PRKDC: variants seen among roughly 807,000 people sequenced by gnomAD.
The protein encoded by PRKDC is DNA-dependent protein kinase catalytic subunit.
In PRKDC, 82 loss-of-function variants were observed where a neutral mutation model predicts 486.9. The observed-to-expected ratio is 0.17, with a 90% confidence interval of 0.14 to 0.20. The LOEUF (loss-of-function observed/expected upper bound fraction) is 0.20. PRKDC is among the 10% of genes least tolerant of loss of function. The pLI is 1.00. For synonymous variants in PRKDC, 1,895 were observed against 1,837.0 expected, an observed-to-expected ratio of 1.03 and a Z score of -0.81; for missense variants, 4,504 against 5,038.2, an observed-to-expected ratio of 0.89 and a Z score of 3.21.
chr8:47,870,075 G>A (rs754528276), intron 40 of PRKDC, among the ~76,000 whole-genome samples: 31 of 152,176 alleles, frequency 2.0e-4, no homozygotes, highest in Non-Finnish European at 7.3e-5. Context: ...CTCATAGATG[G>A]CATCTCTTGA....
At chr8:47,919,340 A>T (rs2090036868) in intron 21 of PRKDC, among the ~76,000 whole-genome samples, 1 of 152,232 alleles carries the variant, frequency 6.6e-6, no homozygotes, top group Non-Finnish European at 1.5e-5. Flanking sequence ...CTCCATATGC[A>T]TTTGTCTAAT....
chr8:47,927,084 G>A lies in PRKDC; in HGVS notation c.2419+110C>T, dbSNP rs915288776. ...CAAAAATAGCAATCAAACATATTTT[G>A]AACACACTGGGCTTAAATTTCAGAA... On this transcript the variant is annotated intron_variant, in intron 21 of 85. Coordinates refer to ENST00000314191, the MANE Select transcript of PRKDC (RefSeq NM_006904.7). 1.9e-4 allele frequency: 190 copies of A among 1,016,660 alleles called. 1 individual carries two copies. Among genetic ancestry groups the A allele is most frequent in the Non-Finnish European group, 2.5e-4 (182 of 719,112 alleles). The allele number at this position is 1,016,660 out of a possible 1,614,324, so 63.0% of individuals were successfully genotyped here.
chr8:47,852,453 C>T (rs1027866293), intron 52 of PRKDC, among the ~76,000 whole-genome samples: 3 of 152,228 alleles, frequency 2.0e-5, no homozygotes, highest in Admixed American at 6.5e-5. Flanking sequence ...GATCTCTCCA[C>T]GTTCACCAAG....
At position 47,836,518 on chromosome 8, in the gene PRKDC, T is replaced by C. The variant is rs745466591; in HGVS notation, c.7771A>G (p.Ile2591Val). The C allele has an allele frequency of 1.3e-6, 2 of 1,596,568 alleles. No homozygotes were observed. The highest frequency in any genetic ancestry group is 1.7e-6 in the Non-Finnish European group (2 of 1,171,062). ...LSECEFQEYTIDSDWRFRSTV... is the reference protein window; with the variant it reads ...LSECEFQEYTVDSDWRFRSTV... ...CTTCGGAAACGCCAATCAGAATCAA[T>C]GGTATATTCCTGTACATAAGAAAGT... Residue 2591 changes from isoleucine to valine, a missense_variant, in exon 58 of 86, where the codon ATT (isoleucine) becomes GTT (valine). This residue lies in a region of PRKDC where 1,592 missense variants were observed against 1,724.6 expected (regional missense o/e 0.92). Transcript: ENST00000314191.
chr8:47,796,482 A>G (rs1292172116), intron 73 of PRKDC, among the ~76,000 whole-genome samples: 3 of 152,098 alleles, frequency 2.0e-5, no homozygotes, highest in African/African-American at 7.2e-5. Context: ...TTAATCACGC[A>G]TGCATTTCCT....
chr8:47,782,571 G>A lies in PRKDC; in HGVS notation c.11203C>T (p.Pro3735Ser). 1 of 1,566,528 alleles carries A rather than the reference G, an allele frequency of 6.4e-7. No homozygotes were observed. The highest frequency in any genetic ancestry group is 8.7e-7 in the Non-Finnish European group (1 of 1,155,766). Residue 3735 changes from proline (P) to serine (S), a missense_variant, in exon 79 of 86, where the codon CCC (proline) becomes TCC (serine). By Grantham distance (74) the Pro-to-Ser change is moderately conservative. This residue lies in a region of PRKDC where 706 missense variants were observed against 945.0 expected (regional missense o/e 0.75). Transcript: ENST00000314191. The surrounding 1 kb of genome is among the most constrained non-coding windows in gnomAD (Gnocchi z 4.9). ...TGGCCACGGATGATGATGCGCTTGG[G>A]CCTTCGCAGAGACGCCATGACTGTC... Reference protein sequence around the residue: ...RVTVMASLRRPKRIIIRGHDE... With the variant: ...RVTVMASLRRSKRIIIRGHDE...
Position 47,773,254 on chromosome 8 carries a change from CG to C in PRKDC, c.*918del, listed in dbSNP as rs374844654. 3.1e-4 allele frequency: 69 copies of C among 223,262 alleles called. 1 individual carries two copies. Among genetic ancestry groups the C allele is most frequent in the African/African-American group, 6.8e-4 (30 of 44,350 alleles). The allele number at this position is 223,262 out of a possible 1,614,324, so 13.8% of individuals were successfully genotyped here. A position where few individuals can be genotyped will look rare whatever the true frequency, so the allele number is the denominator to read the frequency against. The stretch of plus-strand genomic sequence containing the variant: ...AAACAGTTTGGGTGTGGAGGACTGG[CG>C]GGGGGGGACAGGGACTGCACATGGG... On this transcript the variant is annotated 3_prime_UTR_variant, in exon 86 of 86. Transcript: ENST00000314191.
intron 10 of PRKDC, among the ~76,000 whole-genome samples, chr8:47,942,259 A>G (rs1262074628): frequency 6.6e-6 from 1 of 152,230 alleles, no homozygotes; most frequent in Non-Finnish European, 1.5e-5. Flanking sequence ...TCAGCGTAAC[A>G]GGAGTTTTAT....
intron 29 of PRKDC, 73 bp from the exon 30 acceptor site, chr8:47,897,367 C>A: frequency 7.3e-7 from 1 of 1,374,422 alleles, no homozygotes; most frequent in South Asian, 1.8e-5. Flanking sequence ...CTCTAGAAAT[C>A]ATAAACTCAT....
chr8:47,830,573 T>G (rs1212281209), intron 61 of PRKDC, 32 bp downstream of exon 61: 1 of 1,607,412 alleles, frequency 6.2e-7, no homozygotes, highest in East Asian at 2.2e-5. Flanking sequence ...GATTTTAACC[T>G]GTCAACAGAA....
In PRKDC at chr8:47,864,680, C is replaced by A. The variant is rs746172040; in HGVS notation, c.5447G>T (p.Arg1816Leu). ...GAGGGAGCGGTCCACAAAGGACTGG[C>A]GTGTGAAACTTAGGCGGGGGTCATC... ...RKDDPRLSFT[R>L]QSFVDRSLLT... is the part of the protein sequence containing the mutation. Residue 1816 changes from arginine (R) to leucine (L), a missense_variant, in exon 41 of 86, where the codon CGC becomes CTC. Arg to Leu is a moderately radical substitution (Grantham distance 102). Around this residue, in one of 6 missense-constraint regions of PRKDC, gnomAD observed 1,969 missense variants for 2,068.9 expected, o/e 0.95. Transcript: ENST00000314191. 16 of 1,607,630 alleles carry A rather than the reference C, an allele frequency of 1.0e-5. No homozygotes were observed. Among genetic ancestry groups the A allele is most frequent in the East Asian group, 2.2e-5 (1 of 44,744 alleles).
Position 47,836,448 on chromosome 8 carries a change from C to T in PRKDC, c.7841G>A (p.Gly2614Asp), listed in dbSNP as rs760591403. ...TTCCTGGGTACGGGTCTGGAGAGTGCCCTGGGAGGCCTGGGTCTCCACAAA... is the reference window on the plus strand; with the variant it reads ...TTCCTGGGTACGGGTCTGGAGAGTGTCCTGGGAGGCCTGGGTCTCCACAAA... ...PMFVETQASQ[G>D]TLQTRTQEGS... is the part of the protein sequence containing the mutation. The change falls in exon 58 of 86, where the codon GGC becomes GAC. Residue 2614 changes from glycine (G) to aspartate (D), a missense_variant. Physicochemically the swap from Gly to Asp is moderately conservative, Grantham distance 94. Transcript: ENST00000314191. 1 of 1,612,280 alleles carries T rather than the reference C, an allele frequency of 6.2e-7. No homozygotes were observed. Among genetic ancestry groups the T allele is most frequent in the Non-Finnish European group, 8.5e-7 (1 of 1,179,222 alleles).
chr8:47,873,108 G>C (rs1272807537), intron 40 of PRKDC, among the ~76,000 whole-genome samples: 1 of 151,664 alleles, frequency 6.6e-6, no homozygotes, highest in Non-Finnish European at 1.5e-5. Flanking sequence ...AAATTGTACA[G>C]CCAGTATGGA....
intron 73 of PRKDC, 67 bp from the exon 74 acceptor site, chr8:47,794,568 T>C: frequency 7.6e-7 from 1 of 1,309,810 alleles, no homozygotes; most frequent in Non-Finnish European, 1.0e-6. Flanking sequence ...AAAAGTAACA[T>C]ATGTCCAAAA....
At chr8:47,816,176 C>A (rs181865320) in intron 68 of PRKDC, among the ~76,000 whole-genome samples, 42 of 151,510 alleles carry the variant, frequency 2.8e-4, no homozygotes, top group African/African-American at 9.0e-4. Context: ...ATTGTGCCAC[C>A]GCACTCCAGC....
rs1224302452 is a variant in PRKDC at position 47,773,681 on chromosome 8, C to T, written c.*492G>A. The T allele has an allele frequency of 4.5e-6, 1 of 223,228 alleles. No homozygotes were observed. The highest frequency in any genetic ancestry group is 2.2e-5 in the African/African-American group (1 of 44,786). 13.8% of individuals were successfully genotyped at this position (223,228 alleles called of 1,614,324 possible). A position where few individuals can be genotyped will look rare whatever the true frequency, so the allele number is the denominator to read the frequency against. On this transcript the variant is annotated 3_prime_UTR_variant, in exon 86 of 86. Transcript: ENST00000314191. The stretch of plus-strand genomic sequence containing the variant: ...AATATAAGCCATAATTATAGCTTTA[C>T]CTATTGTTCTTATTGTTCCTATGCT...
intron 56 of PRKDC, among the ~76,000 whole-genome samples, chr8:47,838,521 A>T (rs1003577219): frequency 1.3e-5 from 2 of 152,078 alleles, no homozygotes; most frequent in African/African-American, 4.8e-5. Context: ...CTGAGGGAGG[A>T]GGATCATACG....
intron 54 of PRKDC, among the ~76,000 whole-genome samples, chr8:47,841,293 G>A (rs2154499916): frequency 6.6e-6 from 1 of 152,220 alleles, no homozygotes; most frequent in Admixed American, 6.5e-5. Context: ...AGGCACCCAT[G>A]CCCCCAGGTT....
Position 47,913,909 on chromosome 8 carries a change from G to C in PRKDC, c.2773C>G (p.Gln925Glu). The change falls in exon 24 of 86, where the codon CAA becomes GAA. Residue 925 changes from glutamine to glutamate, a missense_variant. Around this residue, in one of 6 missense-constraint regions of PRKDC, gnomAD observed 1,969 missense variants for 2,068.9 expected, o/e 0.95. Coordinates refer to ENST00000314191, the MANE Select transcript of PRKDC (RefSeq NM_006904.7). ...ATGAAAAATAGAAGTACTTTAGTTT[G>C]TCTGTCACTGGCTGTGAGCGCTAAT... is the stretch of plus-strand genomic sequence containing the variant. ...TELALTASDR[Q>E]TKVAACELLH... 2 of 1,599,552 alleles carry C rather than the reference G, an allele frequency of 1.3e-6. No individual in the cohort carries two copies. Among genetic ancestry groups the C allele is most frequent in the Non-Finnish European group, 1.7e-6 (2 of 1,175,100 alleles).
Sources: allele counts gnomAD v4.1 joint callset (sites outside exome capture counted in the v4.1 genomes callset), GRCh38; gene constraint gnomAD v4.1.1; regional missense constraint gnomAD v4.1.1; non-coding constraint Gnocchi (gnomAD v3.1); transcripts MANE v1.5; gene names NCBI Gene and HGNC (gene_info 2026-07-23, HGNC 2026-07-21).